Variants in STMN4 observed in about 807,000 individuals in gnomAD.
STMN4 encodes the protein stathmin-4.
STMN4 carries 12 observed loss-of-function variants against 29.1 expected under a neutral mutation model. That is an observed-to-expected ratio of 0.41 (90% confidence interval 0.26 to 0.67). The LOEUF (loss-of-function observed/expected upper bound fraction) is 0.67, where lower values mean the gene tolerates loss of function less well. STMN4 is among the 30% of genes least tolerant of loss of function. The probability of loss-of-function intolerance (pLI) is 0.30; values close to 1 mark genes in which losing one functional copy is unlikely to be tolerated. For synonymous variants in STMN4, 114 were observed against 105.3 expected (o/e 1.08, Z -0.51); for missense variants, 181 against 262.8 (o/e 0.69, Z 2.15).
At chr8:27,247,405 G>A (rs996547869) in intron 1 of STMN4, among the ~76,000 whole-genome samples, 1 of 152,172 alleles carries the variant, frequency 6.6e-6, no homozygotes, top group Non-Finnish European at 1.5e-5. Context: ...GGACACAGAA[G>A]ATAAAAAGGT....
intron 1 of STMN4, among the ~76,000 whole-genome samples, chr8:27,244,406 C>G (rs1036325307): frequency 6.6e-6 from 1 of 152,124 alleles, no homozygotes; most frequent in Non-Finnish European, 1.5e-5. Flanking sequence ...GGAATCATGT[C>G]GTCATCACAG....
chr8:27,239,671 T>G (rs954911965), intron 6 of STMN4: 1 of 1,418,458 alleles, frequency 7.0e-7, no homozygotes, highest in African/African-American at 1.4e-5. Context: ...TCTACTCCTT[T>G]GTATTAGACA....
chr8:27,246,403 C>T (rs1452595508), intron 1 of STMN4, among the ~76,000 whole-genome samples: 3 of 152,176 alleles, frequency 2.0e-5, no homozygotes, highest in Non-Finnish European at 4.4e-5. Context: ...GTAATAGCCT[C>T]GTAAGGCAGG....
chr8:27,258,075 T>C (rs1247083062), intron 1 of STMN4, among the ~76,000 whole-genome samples: 1 of 152,096 alleles, frequency 6.6e-6, no homozygotes, highest in Non-Finnish European at 1.5e-5. Flanking sequence ...TATGCAGAAA[T>C]AGCTCACCAT....
intron 1 of STMN4, among the ~76,000 whole-genome samples, chr8:27,249,738 A>C (rs927321585): frequency 2.0e-5 from 3 of 152,200 alleles, no homozygotes; most frequent in African/African-American, 4.8e-5. Flanking sequence ...TCCGTAATTC[A>C]GCTGATGTCC....
intron 1 of STMN4, among the ~76,000 whole-genome samples, chr8:27,245,199 A>G (rs1232704863): frequency 6.6e-6 from 1 of 152,212 alleles, no homozygotes; most frequent in Non-Finnish European, 1.5e-5. Context: ...ACCCATGCAT[A>G]GCATCCAGCA....
At chr8:27,250,582 C>A (rs1347790731) in intron 1 of STMN4, among the ~76,000 whole-genome samples, 2 of 152,026 alleles carry the variant, frequency 1.3e-5, no homozygotes, top group African/African-American at 2.4e-5. Flanking sequence ...AGAGTGCAGA[C>A]CAAGAAGGAA....
At chr8:27,237,617 G>A (rs545559421) in intron 6 of STMN4, among the ~76,000 whole-genome samples, 8 of 152,178 alleles carry the variant, frequency 5.3e-5, no homozygotes, top group African/African-American at 1.9e-4. Context: ...TCCAAAAAGT[G>A]GACTTTCTTA....
intron 1 of STMN4, among the ~76,000 whole-genome samples, chr8:27,246,425 C>G (rs1240695393): frequency 6.6e-6 from 1 of 152,158 alleles, no homozygotes; most frequent in South Asian, 2.1e-4. Flanking sequence ...ATTACTATCC[C>G]CATTTTATAG....
rs554176858 is a variant in STMN4 at position 27,242,178 on chromosome 8, G to A, written c.109+219C>T. ...AGGTGACAAGATCGAGTGCACTCTG[G>A]GGGGCGCCTGATGCAGACCTTCATG... On this transcript the variant is annotated intron_variant, in intron 3 of 6. Coordinates refer to ENST00000350889, the MANE Select transcript of STMN4 (RefSeq NM_030795.4). The A allele has an allele frequency of 1.9e-5, 11 of 591,006 alleles. No individual in the cohort carries two copies. The South Asian group carries it at 1.9e-4, about 10-fold the overall frequency. 36.6% of individuals were successfully genotyped at this position (591,006 alleles called of 1,614,324 possible).
intron 1 of STMN4, among the ~76,000 whole-genome samples, chr8:27,251,350 C>T (rs1801780903): frequency 6.9e-6 from 1 of 144,446 alleles, no homozygotes; most frequent in African/African-American, 2.6e-5. Context: ...TATATATATA[C>T]ATATGCAGAA....
At chr8:27,241,576 T>A in intron 4 of STMN4, 101 bp downstream of exon 4, 1 of 1,398,636 alleles carries the variant, frequency 7.1e-7, no homozygotes, top group Admixed American at 1.8e-5. Flanking sequence ...CAATTTGTCG[T>A]CCGTGGTGAC....
At chr8:27,239,479 A>G in intron 6 of STMN4, 1 of 692,804 alleles carries the variant, frequency 1.4e-6, no homozygotes. Context: ...AACATATTGG[A>G]AAGACCTGTG....
At position 27,235,642 on chromosome 8, in the gene STMN4, T is replaced by A. The variant is rs1385835560; in HGVS notation, c.*1204A>T. Reference sequence around the variant, plus strand: ...GTGTGAATGTTGCTGTCTCCCCCAATATACAGGTTGAATCCTAATCCCGAC... The same window carrying A: ...GTGTGAATGTTGCTGTCTCCCCCAAAATACAGGTTGAATCCTAATCCCGAC... On this transcript the variant is annotated 3_prime_UTR_variant, in exon 7 of 7. Transcript: ENST00000350889. 1 of 152,212 alleles carries A rather than the reference T, an allele frequency of 6.6e-6. No homozygotes were observed. The highest frequency in any genetic ancestry group is 6.5e-5 in the Admixed American group (1 of 15,282). The allele number at this position is 152,212 out of a possible 1,614,324, so 9.4% of individuals were successfully genotyped here.
intron 2 of STMN4, among the ~76,000 whole-genome samples, chr8:27,242,879 C>A (rs1801516864): frequency 6.6e-6 from 1 of 152,098 alleles, no homozygotes; most frequent in African/African-American, 2.4e-5. Flanking sequence ...ACAGGAGACC[C>A]ACACTCCATT....
intron 6 of STMN4, among the ~76,000 whole-genome samples, chr8:27,238,134 G>T (rs61572560): frequency 0.22 from 33,302 of 152,120 alleles, 3,710 homozygotes; most frequent in Middle Eastern, 0.3. Flanking sequence ...ACTTTGGTAT[G>T]TATCAGCATG....
intron 1 of STMN4, among the ~76,000 whole-genome samples, chr8:27,256,231 C>T (rs4733042): frequency 0.29 from 44,802 of 151,962 alleles, 7,441 homozygotes; most frequent in African/African-American, 0.42. Flanking sequence ...AAGTTAGTGT[C>T]TAATGGGTAT....
chr8:27,241,899 A>G, intron 3 of STMN4, 142 bp from the exon 4 acceptor site: 1 of 883,274 alleles, frequency 1.1e-6, no homozygotes, highest in Non-Finnish European at 1.8e-6. Flanking sequence ...GTGGCCACCC[A>G]GTGCTCCCTG....
chr8:27,250,327 T>A (rs540835616), intron 1 of STMN4, among the ~76,000 whole-genome samples: 1 of 152,384 alleles, frequency 6.6e-6, no homozygotes, highest in East Asian at 1.9e-4. Flanking sequence ...AGATAAATTA[T>A]TTTTTCATAA....
Sources: gnomAD v4.1 joint callset for allele counts (sites outside exome capture counted in the v4.1 genomes callset) on GRCh38, gnomAD v4.1.1 for gene constraint, MANE v1.5 for transcripts, NCBI Gene and HGNC (gene_info 2026-07-23, HGNC 2026-07-21) for gene names.